ACTN4: variants seen among roughly 807,000 people sequenced by gnomAD.
The protein encoded by ACTN4 is actinin alpha 4.
In ACTN4, 18 loss-of-function variants were observed where a neutral mutation model predicts 114.2. That is an observed-to-expected ratio of 0.16 (90% confidence interval 0.11 to 0.23). The LOEUF is 0.23. Among genes scored for constraint, ACTN4 ranks in the 10% least tolerant of loss-of-function variants. The pLI is 1.00. For synonymous variants in ACTN4, 515 were observed against 506.3 expected (o/e 1.02, Z -0.23); for missense variants, 722 against 1,262.9 (o/e 0.57, Z 6.49).
In ACTN4 at chr19:38,727,193, C is replaced by T; in HGVS notation, c.2337+90C>T. On this transcript the variant is annotated intron_variant, in intron 18 of 20. Transcript: ENST00000252699. This position sits in a 1 kb window ranked among gnomAD's most constrained non-coding sequence, Gnocchi z 5.4. ...GTCTCTGCATCTGTTCGTCCATTCC[C>T]ATCACAGTTGCTGAGCGTCGGCCGC... 1.9e-6 allele frequency: 3 copies of T among 1,590,102 alleles called. No individual in the cohort carries two copies. Among genetic ancestry groups the T allele is most frequent in the Admixed American group, 3.4e-5 (2 of 58,270 alleles).
At chr19:38,709,575 T>G in intron 7 of ACTN4, 99 bp downstream of exon 7, 1 of 1,025,134 alleles carries the variant, frequency 9.8e-7, no homozygotes, top group Non-Finnish European at 1.5e-6. Flanking sequence ...ATCAGAGCTT[T>G]GGGTCACCTT....
chr19:38,726,002 T>A, intron 17 of ACTN4, 99 bp downstream of exon 17: 1 of 1,485,720 alleles, frequency 6.7e-7, no homozygotes, highest in Non-Finnish European at 9.3e-7. Flanking sequence ...CTGCTGTCTG[T>A]TGTTTTTCAC....
chr19:38,726,306 G>A (rs74704335), intron 17 of ACTN4, among the ~76,000 whole-genome samples: 1 of 147,600 alleles, frequency 6.8e-6, no homozygotes. Flanking sequence ...AAAAAAAAAA[G>A]ATTGAAAAGA....
Position 38,730,980 on chromosome 19 carries a change from G to A in ACTN4, c.*1548G>A, listed in dbSNP as rs1463765394. The A allele has an allele frequency of 6.4e-7, 1 of 1,551,126 alleles. No homozygotes were observed. Among genetic ancestry groups the A allele is most frequent in the Non-Finnish European group, 8.7e-7 (1 of 1,147,298 alleles). ...CCTGGCTCACCTGTCTGTGGGTCAG[G>A]CAGATGACCCCCTCACCCCCATCCA... On this transcript the variant is annotated 3_prime_UTR_variant, in exon 21 of 21. Transcript: ENST00000252699.
At chr19:38,709,350 C>T in intron 6 of ACTN4, 45 bp from the exon 7 acceptor site, 7 of 1,463,412 alleles carry the variant, frequency 4.8e-6, no homozygotes, top group South Asian at 2.3e-5. Flanking sequence ...GCTCCTGCAC[C>T]CTGCCCTGAC....
chr19:38,711,497 C>T (rs930268729), intron 8 of ACTN4: 7 of 295,052 alleles, frequency 2.4e-5, no homozygotes, highest in East Asian at 1.7e-4. Context: ...CTGACCCTGC[C>T]GGCCTCTGAC....
intron 11 of ACTN4, among the ~76,000 whole-genome samples, chr19:38,720,188 C>T (rs374279880): frequency 1.0e-3 from 158 of 152,372 alleles, no homozygotes; most frequent in African/African-American, 3.7e-3. Context: ...CACCATCCCC[C>T]ACAGCCCGCA....
chr19:38,707,462 G>T (rs1968498985), intron 5 of ACTN4, among the ~76,000 whole-genome samples: 1 of 152,132 alleles, frequency 6.6e-6, no homozygotes, highest in African/African-American at 2.4e-5. Flanking sequence ...TTCTGAGGAG[G>T]TGACATCGAG....
chr19:38,707,734 C>T (rs755760121), intron 5 of ACTN4, among the ~76,000 whole-genome samples: 2 of 152,312 alleles, frequency 1.3e-5, no homozygotes, highest in Middle Eastern at 3.4e-3. Context: ...TGGTTCAGGG[C>T]GGCCTCCCAT....
chr19:38,714,694 A>T (rs1314612464), intron 9 of ACTN4, 133 bp downstream of exon 9: 2 of 945,744 alleles, frequency 2.1e-6, no homozygotes, highest in Admixed American at 4.0e-5. Context: ...AGACCATGGC[A>T]TTTAGCCAGC....
At chr19:38,671,012 C>T (rs553908941) in intron 1 of ACTN4, among the ~76,000 whole-genome samples, 35 of 151,906 alleles carry the variant, frequency 2.3e-4, no homozygotes, top group South Asian at 8.3e-4. Context: ...CTTGCATGGT[C>T]TTGACCCTGT....
At chr19:38,679,563 G>A (rs1240456996) in intron 1 of ACTN4, among the ~76,000 whole-genome samples, 1 of 126,214 alleles carries the variant, frequency 7.9e-6, no homozygotes, top group Non-Finnish European at 1.7e-5. Flanking sequence ...ATAGATTTGG[G>A]TGTGCGTGTG....
At chr19:38,695,340 T>A (rs1968058411) in intron 1 of ACTN4, among the ~76,000 whole-genome samples, 1 of 152,216 alleles carries the variant, frequency 6.6e-6, no homozygotes. Flanking sequence ...CCCTGGAAGA[T>A]GACCGCGATC....
chr19:38,659,065 C>CTTTTTTTTTTTTTTTTTTTTTTTTT (rs577141157), intron 1 of ACTN4, among the ~76,000 whole-genome samples: 4 of 111,690 alleles, frequency 3.6e-5, no homozygotes, highest in East Asian at 2.5e-4. Flanking sequence ...CTTTTCTTTT[C>CTTTTTTTTTTTTTTTTTTTTTTTTT]TTTTTTTTTT....
chr19:38,671,193 C>A (rs143747151), intron 1 of ACTN4, among the ~76,000 whole-genome samples: 1 of 152,118 alleles, frequency 6.6e-6, no homozygotes, highest in South Asian at 2.1e-4. Flanking sequence ...TTCCAGCCTC[C>A]GGACTCCTCC....
At chr19:38,719,505 C>A (rs555314170) in intron 11 of ACTN4, among the ~76,000 whole-genome samples, 1 of 152,128 alleles carries the variant, frequency 6.6e-6, no homozygotes, top group African/African-American at 2.4e-5. Context: ...GGAAAGAGTG[C>A]GAGTGAGAGA....
chr19:38,682,649 C>T (rs774160969), intron 1 of ACTN4, among the ~76,000 whole-genome samples: 13 of 152,204 alleles, frequency 8.5e-5, no homozygotes, highest in African/African-American at 3.1e-4. Context: ...GCGTTCTCCG[C>T]GCGAAATCTG....
Position 38,730,685 on chromosome 19 carries a change from GGAGTACGCAGGCCA to G in ACTN4, c.*1258_*1271del. ...TGTCGCTGTTCTTGTTTCTGAGTGA[GGAGTACGCAGGCCA>G]GAGTGGTCACCCGGCCGTGAGCAGT... is the stretch of plus-strand genomic sequence containing the variant. On this transcript the variant is annotated 3_prime_UTR_variant, in exon 21 of 21. Transcript: ENST00000252699. 2.7e-6 allele frequency: 2 copies of G among 731,200 alleles called. No individual in the cohort carries two copies. The highest frequency in any genetic ancestry group is 4.6e-6 in the Non-Finnish European group (2 of 439,252). The allele number at this position is 731,200 out of a possible 1,614,324, so 45.3% of individuals were successfully genotyped here. A position where few individuals can be genotyped will look rare whatever the true frequency, so the allele number is the denominator to read the frequency against.
At position 38,717,945 on chromosome 19, in the gene ACTN4, C is replaced by T; in HGVS notation, c.1162C>T (p.Gln388Ter). The T allele has an allele frequency of 1.2e-6, 2 of 1,603,890 alleles. No individual in the cohort carries two copies. Among genetic ancestry groups the T allele is most frequent in the Non-Finnish European group, 1.7e-6 (2 of 1,175,240 alleles). ...KMVSDINNGWQHLEQAEKGYE... is the reference protein window; with the variant it reads ...KMVSDINNGW ...GCCCCAGGACATCAACAATGGCTGG[C>T]AGCACTTGGAGCAGGCTGAGAAGGG... Residue 388 changes from glutamine to a stop codon, truncating the protein, a stop_gained, in exon 11 of 21, where the codon CAG (glutamine) becomes TAG (stop). Transcript: ENST00000252699. LOFTEE classifies it high-confidence loss of function. This position sits in a 1 kb window ranked among gnomAD's most constrained non-coding sequence, Gnocchi z 4.0.
Sources: gnomAD v4.1 joint callset for allele counts (sites outside exome capture counted in the v4.1 genomes callset) on GRCh38, gnomAD v4.1.1 for gene constraint, Gnocchi (gnomAD v3.1) non-coding constraint, MANE v1.5 for transcripts, NCBI Gene and HGNC (gene_info 2026-07-23, HGNC 2026-07-21) for gene names.